Variants in RASA1 observed in about 807,000 individuals in gnomAD.
The protein encoded by RASA1 is ras GTPase-activating protein 1.
Under a neutral mutation model 132.2 loss-of-function variants are expected in RASA1, and 25 were observed. The observed-to-expected ratio is 0.19, with a 90% CI of 0.14 to 0.26. The LOEUF (loss-of-function observed/expected upper bound fraction) is 0.26, where lower values mean the gene tolerates loss of function less well. RASA1 is among the 10% of genes least tolerant of loss of function. RASA1 has a pLI of 1.00. For synonymous variants in RASA1, 477 were observed against 449.9 expected (o/e 1.06, Z -0.76); for missense variants, 964 against 1,299.2 (o/e 0.74, Z 3.97).
chr5:87,348,321 T>G (rs1016909993), intron 7 of RASA1, among the ~76,000 whole-genome samples: 9 of 152,058 alleles, frequency 5.9e-5, no homozygotes, highest in Non-Finnish European at 1.2e-4. Flanking sequence ...TCTAATAATC[T>G]AAGCATTCAT....
chr5:87,272,174 G>A (rs1020762502), intron 1 of RASA1, among the ~76,000 whole-genome samples: 3 of 151,644 alleles, frequency 2.0e-5, no homozygotes, highest in African/African-American at 7.3e-5. Flanking sequence ...CCATGATTGA[G>A]TACTTATGAA....
Position 87,346,672 on chromosome 5 carries a change from A to G in RASA1, c.1050A>G (p.Ile350Met). The change falls in exon 7 of 25, where the codon ATA becomes ATG. Residue 350 changes from isoleucine (I) to methionine (M), a missense_variant and splice_region_variant. Coordinates refer to ENST00000274376, the MANE Select transcript of RASA1 (RefSeq NM_002890.3). ...ATATCTAATTTATTCTCTTTTTAAG[A>G]TGGTTCCATGGGAAGATTTCCAAAC... ...GREEDPHEGK[I>M]WFHGKISKQE... 1 of 1,539,126 alleles carries G rather than the reference A, an allele frequency of 6.5e-7. No individual in the cohort carries two copies. Among genetic ancestry groups the G allele is most frequent in the Non-Finnish European group, 9.0e-7 (1 of 1,114,816 alleles).
At chr5:87,333,868 C>T (rs3804237) in intron 4 of RASA1, among the ~76,000 whole-genome samples, 4,880 of 152,060 alleles carry the variant, frequency 0.032, 233 homozygotes, top group African/African-American at 0.1. Context: ...TTAATTCTTA[C>T]TGACACATTT....
chr5:87,273,978 G>A (rs1307275718), intron 1 of RASA1, among the ~76,000 whole-genome samples: 1 of 152,280 alleles, frequency 6.6e-6, no homozygotes, highest in East Asian at 1.9e-4. Context: ...GATTACAGGC[G>A]TGAGCCACCT....
chr5:87,332,024 A>G (rs1320729186), intron 2 of RASA1, among the ~76,000 whole-genome samples: 5 of 152,148 alleles, frequency 3.3e-5, no homozygotes, highest in Admixed American at 6.5e-5. Flanking sequence ...CATCTAATGC[A>G]TATAGTGTTA....
chr5:87,378,765 T>C (rs891266995), intron 18 of RASA1, among the ~76,000 whole-genome samples: 3 of 152,160 alleles, frequency 2.0e-5, no homozygotes, highest in Admixed American at 1.3e-4. Flanking sequence ...CACCAGAAAT[T>C]CATGAAAATA....
In RASA1 at chr5:87,379,829, T is replaced by C. The variant is rs1761583366; in HGVS notation, c.2582T>C (p.Met861Thr). The part of the protein sequence containing the change: ...ILSELVEKIF[M>T]ASEILPPTLR... ...TCAGAGCTTGTGGAGAAAATATTCA[T>C]GGCTTCAGAAATACTTCCACCGTAA... The change falls in exon 19 of 25, where the codon ATG becomes ACG. Residue 861 changes from methionine to threonine, a missense_variant. Around this residue, in one of 6 missense-constraint regions of RASA1, gnomAD observed 346 missense variants for 520.1 expected, o/e 0.67. Transcript: ENST00000274376. 5.0e-6 allele frequency: 8 copies of C among 1,612,750 alleles called. No individual in the cohort carries two copies. Among genetic ancestry groups the C allele is most frequent in the Non-Finnish European group, 6.8e-6 (8 of 1,179,074 alleles).
Position 87,390,862 on chromosome 5 carries a change from A to C in RASA1, c.3123A>C (p.Thr1041=), listed in dbSNP as rs752946587. 6.2e-7 allele frequency: 1 copy of C among 1,612,964 alleles called. No homozygotes were observed. The highest frequency in any genetic ancestry group is 1.1e-5 in the South Asian group (1 of 91,064). The change falls in exon 25 of 25, where the codon ACA becomes ACC. Residue 1041 remains threonine, a synonymous_variant. Coordinates refer to ENST00000274376, the MANE Select transcript of RASA1 (RefSeq NM_002890.3). The stretch of plus-strand genomic sequence containing the variant: ...TTCAACAAAAACAAAACCAGTATAC[A>C]AAAACCAATGATGTCAGGTAGCAGC... ...ELLQQKQNQY[T]KTNDVR
intron 1 of RASA1, among the ~76,000 whole-genome samples, chr5:87,274,969 A>C (rs1363393155): frequency 6.6e-6 from 1 of 152,244 alleles, no homozygotes; most frequent in Non-Finnish European, 1.5e-5. Context: ...TGACTGAGGT[A>C]CAGAGCACAG....
intron 12 of RASA1, among the ~76,000 whole-genome samples, chr5:87,370,439 A>AT (rs1399414236): frequency 6.6e-6 from 1 of 152,166 alleles, no homozygotes; most frequent in Non-Finnish European, 1.5e-5. Flanking sequence ...AAGAAATAAT[A>AT]TTTTTTAAAA....
chr5:87,332,850 C>G (rs1757695575), intron 3 of RASA1, among the ~76,000 whole-genome samples: 1 of 151,392 alleles, frequency 6.6e-6, no homozygotes, highest in Non-Finnish European at 1.5e-5. Context: ...TTTAAGTAAC[C>G]AGATTAAAAG....
intron 11 of RASA1, among the ~76,000 whole-genome samples, chr5:87,367,029 TCAAA>T: frequency 6.6e-6 from 1 of 152,342 alleles, no homozygotes; most frequent in East Asian, 1.9e-4. Context: ...AGGCCCGGTC[TCAAA>T]CAAAACTAAA....
intron 1 of RASA1, among the ~76,000 whole-genome samples, chr5:87,327,445 G>A (rs1011948309): frequency 2.6e-5 from 4 of 152,142 alleles, no homozygotes; most frequent in Admixed American, 1.3e-4. Context: ...TGATGGTAAC[G>A]ACATAAAAAA....
chr5:87,302,277 A>G (rs1755399260), intron 1 of RASA1, among the ~76,000 whole-genome samples: 1 of 151,128 alleles, frequency 6.6e-6, no homozygotes, highest in Admixed American at 6.6e-5. Flanking sequence ...TTTAATTTTT[A>G]TTTTCTTGAT....
intron 17 of RASA1, 107 bp from the exon 18 acceptor site, chr5:87,378,289 T>C: frequency 7.5e-7 from 1 of 1,328,822 alleles, no homozygotes; most frequent in Non-Finnish European, 1.1e-6. Flanking sequence ...AAAAAGCACA[T>C]TTAAGTGGCT....
chr5:87,286,159 C>T (rs1479091398), intron 1 of RASA1, among the ~76,000 whole-genome samples: 1 of 151,842 alleles, frequency 6.6e-6, no homozygotes, highest in Non-Finnish European at 1.5e-5. Flanking sequence ...GTGCCACCAC[C>T]CCTGGCTAAT....
At chr5:87,372,904 A>C (rs1475428133) in intron 13 of RASA1, among the ~76,000 whole-genome samples, 3 of 152,114 alleles carry the variant, frequency 2.0e-5, no homozygotes, top group African/African-American at 7.2e-5. Flanking sequence ...TTCTACTGGG[A>C]GTGGATAATG....
chr5:87,357,666 C>G (rs1397175613), intron 9 of RASA1, among the ~76,000 whole-genome samples: 3 of 151,940 alleles, frequency 2.0e-5, no homozygotes, highest in African/African-American at 4.8e-5. Context: ...GATTGCACCA[C>G]TGCACTCCAG....
intron 1 of RASA1, among the ~76,000 whole-genome samples, chr5:87,308,197 T>A (rs532077112): frequency 2.0e-5 from 3 of 151,934 alleles, no homozygotes; most frequent in African/African-American, 7.2e-5. Context: ...TCCTGAGAAT[T>A]CATGCAAAAG....
Sources: allele counts gnomAD v4.1 joint callset (sites outside exome capture counted in the v4.1 genomes callset), GRCh38; gene constraint gnomAD v4.1.1; regional missense constraint gnomAD v4.1.1; transcripts MANE v1.5; gene names NCBI Gene and HGNC (gene_info 2026-07-23, HGNC 2026-07-21).